Variants in FLRT2 observed in about 807,000 individuals in gnomAD.
The protein encoded by FLRT2 is fibronectin leucine rich transmembrane protein 2.
FLRT2 carries 15 observed loss-of-function variants against 40.0 expected under a neutral mutation model. That is an observed-to-expected ratio of 0.38 (90% CI 0.25 to 0.58). The LOEUF (loss-of-function observed/expected upper bound fraction) is 0.58. Ranked by LOEUF, FLRT2 falls within the 20% of genes least tolerant of loss-of-function variation. The pLI is 0.71. For synonymous variants in FLRT2, 380 were observed against 336.8 expected, an observed-to-expected ratio of 1.13 and a Z score of -1.41; for missense variants, 726 against 840.0, an observed-to-expected ratio of 0.86 and a Z score of 1.68.
rs367841120 is a variant in FLRT2, at chr14:85,585,872, C to T, written c.-376-35267C>T. Among the ~76,000 whole-genome samples the T allele has an allele frequency of 4.0e-5, 6 of 151,646 alleles. No homozygotes were observed. The South Asian group carries it at 6.3e-4, about 16-fold the overall frequency. On this transcript the variant is annotated intron_variant, in intron 1 of 1. Coordinates refer to ENST00000330753, the MANE Select transcript of FLRT2 (RefSeq NM_013231.6). ...TGAATTTTCTGTTCTTGATGTTCTG[C>T]GGGAGTAATGATGCACCAGATGATA...
intron 1 of FLRT2, chr14:85,560,772 G>A (rs530222157): frequency 1.3e-5 from 2 of 151,694 alleles, no homozygotes; most frequent in South Asian, 4.2e-4. Context: ...GGCACAATAT[G>A]CCAGTATGGC....
intron 1 of FLRT2, among the ~76,000 whole-genome samples, chr14:85,583,626 C>T (rs533122541): frequency 1.3e-5 from 2 of 152,280 alleles, no homozygotes; most frequent in South Asian, 4.1e-4. Context: ...AGGATCAGAG[C>T]TCCTGGTCCG....
chr14:85,580,955 A>G (rs2139875181), intron 1 of FLRT2, among the ~76,000 whole-genome samples: 1 of 152,300 alleles, frequency 6.6e-6, no homozygotes, highest in East Asian at 1.9e-4. Flanking sequence ...GCTAATCCGA[A>G]GAGATTAGAT....
intron 1 of FLRT2, among the ~76,000 whole-genome samples, chr14:85,589,364 T>A (rs1365549979): frequency 2.0e-5 from 3 of 152,240 alleles, no homozygotes; most frequent in Non-Finnish European, 2.9e-5. Flanking sequence ...TATTGGTCAG[T>A]GGTGTTGAGC....
At position 85,645,088 on chromosome 14, in the gene FLRT2, G is replaced by C. The variant is rs1329380125; in HGVS notation, c.*21591G>C. 2.6e-5 allele frequency: 4 copies of C among 151,678 alleles called. No homozygotes were observed. The highest frequency in any genetic ancestry group is 9.7e-5 in the African/African-American group (4 of 41,142). 9.4% of individuals were successfully genotyped at this position (151,678 alleles called of 1,614,324 possible). A position where few individuals can be genotyped will look rare whatever the true frequency, so the allele number is the denominator to read the frequency against. ...CAACTGAACTGTAATCATGAGTTTT[G>C]ATCAACCAACCATAAAGTTGAGCTT... On this transcript the variant is annotated 3_prime_UTR_variant, in exon 2 of 2. Transcript: ENST00000330753.
chr14:85,557,366 C>A (rs951447168), intron 1 of FLRT2, among the ~76,000 whole-genome samples: 4 of 151,924 alleles, frequency 2.6e-5, no homozygotes, highest in African/African-American at 4.8e-5. Flanking sequence ...CGCACCTAAC[C>A]GAGTATTGAA....
rs2139384795 is a variant in FLRT2, at chr14:85,630,962, T to C, written c.*7465T>C. On this transcript the variant is annotated 3_prime_UTR_variant, in exon 2 of 2. Transcript: ENST00000330753. ...TACTGCAGTGCTTGCAAAACATGCG[T>C]TTTTATTGCTTGCAAGATAGAATTC... The C allele has an allele frequency of 6.6e-6, 1 of 151,754 alleles. No individual in the cohort carries two copies. Among genetic ancestry groups the C allele is most frequent in the East Asian group, 1.9e-4 (1 of 5,140 alleles). 9.4% of individuals were successfully genotyped at this position (151,754 alleles called of 1,614,324 possible). A position where few individuals can be genotyped will look rare whatever the true frequency, so the allele number is the denominator to read the frequency against.
In FLRT2 at chr14:85,639,004, T is replaced by C. The variant is rs907627921; in HGVS notation, c.*15507T>C. Reference sequence around the variant, plus strand: ...TCAACTCTATCTGAAAATAAAAATGTCCAAGAAAATGACAATCAAAACGAT... The same window carrying C: ...TCAACTCTATCTGAAAATAAAAATGCCCAAGAAAATGACAATCAAAACGAT... On this transcript the variant is annotated 3_prime_UTR_variant, in exon 2 of 2. Transcript: ENST00000330753. The C allele has an allele frequency of 6.6e-6, 1 of 152,214 alleles. No homozygotes were observed. Among genetic ancestry groups the C allele is most frequent in the African/African-American group, 2.4e-5 (1 of 41,458 alleles). 9.4% of individuals were successfully genotyped at this position (152,214 alleles called of 1,614,324 possible).
chr14:85,586,515 G>A (rs1891622144), intron 1 of FLRT2, among the ~76,000 whole-genome samples: 1 of 151,900 alleles, frequency 6.6e-6, no homozygotes, highest in Non-Finnish European at 1.5e-5. Flanking sequence ...ATGGTAGACA[G>A]CATATTAAAT....
intron 1 of FLRT2, among the ~76,000 whole-genome samples, chr14:85,579,049 G>T (rs1891265823): frequency 6.6e-6 from 1 of 152,186 alleles, no homozygotes; most frequent in African/African-American, 2.4e-5. Flanking sequence ...GAGACGACTG[G>T]TGTCTGCAGT....
chr14:85,559,084 C>G (rs2273151), intron 1 of FLRT2, among the ~76,000 whole-genome samples: 1 of 152,040 alleles, frequency 6.6e-6, no homozygotes, highest in African/African-American at 2.4e-5. Context: ...ACACATACAT[C>G]ACTGTCATAG....
chr14:85,582,288 T>C (rs553915451), intron 1 of FLRT2, among the ~76,000 whole-genome samples: 6 of 152,300 alleles, frequency 3.9e-5, no homozygotes, highest in Admixed American at 6.5e-5. Context: ...GGTGTAGTTG[T>C]GGTTTGTTTC....
At position 85,638,858 on chromosome 14, in the gene FLRT2, A is replaced by C. The variant is rs768739261; in HGVS notation, c.*15361A>C. 2 of 152,174 alleles carry C rather than the reference A, an allele frequency of 1.3e-5. No individual in the cohort carries two copies. Among genetic ancestry groups the C allele is most frequent in the Non-Finnish European group, 2.9e-5 (2 of 68,032 alleles). 9.4% of individuals were successfully genotyped at this position (152,174 alleles called of 1,614,324 possible). A position where few individuals can be genotyped will look rare whatever the true frequency, so the allele number is the denominator to read the frequency against. ...ACTGAACTTTTCCCCTTCTCTTATG[A>C]TTGTCAAATAACCTTGTTATATGCT... On this transcript the variant is annotated 3_prime_UTR_variant, in exon 2 of 2. Transcript: ENST00000330753.
rs1475559508 is a variant in FLRT2 at position 85,639,282 on chromosome 14, T to A, written c.*15785T>A. 6.6e-6 allele frequency: 1 copy of A among 152,230 alleles called. No homozygotes were observed. Among genetic ancestry groups the A allele is most frequent in the Non-Finnish European group, 1.5e-5 (1 of 68,046 alleles). 9.4% of individuals were successfully genotyped at this position (152,230 alleles called of 1,614,324 possible). On this transcript the variant is annotated 3_prime_UTR_variant, in exon 2 of 2. Transcript: ENST00000330753. ...AGTTAACCGGATGGCAAGTTGTTTATGAGCATGCCTTCTCGTTAAGTTGAC... is the reference window on the plus strand; with the variant it reads ...AGTTAACCGGATGGCAAGTTGTTTAAGAGCATGCCTTCTCGTTAAGTTGAC...
At chr14:85,565,406 T>A in intron 1 of FLRT2, among the ~76,000 whole-genome samples, 1 of 152,248 alleles carries the variant, frequency 6.6e-6, no homozygotes, top group South Asian at 2.1e-4. Context: ...AATCTACAAT[T>A]GTTTTATTGG....
In FLRT2 at chr14:85,638,087, T is replaced by G. The variant is rs1474356994; in HGVS notation, c.*14590T>G. ...GAAGCTGGGACTAGGTGACTTATTC[T>G]AAATGTAACAATTACCGGTAGAGAA... On this transcript the variant is annotated 3_prime_UTR_variant, in exon 2 of 2. Coordinates refer to ENST00000330753, the MANE Select transcript of FLRT2 (RefSeq NM_013231.6). 6.6e-6 allele frequency: 1 copy of G among 152,174 alleles called. No homozygotes were observed. Among genetic ancestry groups the G allele is most frequent in the Non-Finnish European group, 1.5e-5 (1 of 68,050 alleles). 9.4% of individuals were successfully genotyped at this position (152,174 alleles called of 1,614,324 possible). A position where few individuals can be genotyped will look rare whatever the true frequency, so the allele number is the denominator to read the frequency against.
chr14:85,581,127 A>T (rs1891366862), intron 1 of FLRT2, among the ~76,000 whole-genome samples: 2 of 152,206 alleles, frequency 1.3e-5, no homozygotes, highest in Non-Finnish European at 2.9e-5. Context: ...ATTGTTGACC[A>T]CAGATACCCT....
In FLRT2 at chr14:85,633,304, T is replaced by C. The variant is rs1411801159; in HGVS notation, c.*9807T>C. ...ACACACAACCATGGCAGGCCTTTTT[T>C]CTCATGGTGTGTGGGATCATTGAAC... On this transcript the variant is annotated 3_prime_UTR_variant, in exon 2 of 2. Transcript: ENST00000330753. 6.6e-6 allele frequency: 1 copy of C among 152,140 alleles called. No individual in the cohort carries two copies. Among genetic ancestry groups the C allele is most frequent in the Middle Eastern group, 3.2e-3 (1 of 316 alleles). The allele number at this position is 152,140 out of a possible 1,614,324, so 9.4% of individuals were successfully genotyped here.
At chr14:85,607,630 C>T (rs1247248586) in intron 1 of FLRT2, among the ~76,000 whole-genome samples, 2 of 152,178 alleles carry the variant, frequency 1.3e-5, no homozygotes, top group African/African-American at 4.8e-5. Flanking sequence ...GACTTGCCTT[C>T]AGTTTACAAA....
Sources: allele counts gnomAD v4.1 joint callset (sites outside exome capture counted in the v4.1 genomes callset), GRCh38; gene constraint gnomAD v4.1.1; transcripts MANE v1.5; gene names NCBI Gene and HGNC (gene_info 2026-07-23, HGNC 2026-07-21).